Variants in ACY3 observed in about 807,000 individuals in gnomAD.
ACY3 encodes N-acyl-aromatic-L-amino acid amidohydrolase (carboxylate-forming).
ACY3 carries 20 observed loss-of-function variants against 24.6 expected under a neutral mutation model. The ratio of observed to expected loss-of-function variants is 0.81; its 90% confidence interval spans 0.57 to 1.18. The LOEUF (loss-of-function observed/expected upper bound fraction) is 1.18, where lower values mean the gene tolerates loss of function less well. Ranked by LOEUF, ACY3 falls within the 50% of genes most tolerant of loss-of-function variation. ACY3 has a pLI of 0.00. For synonymous variants in ACY3, 174 were observed against 188.4 expected (o/e 0.92, Z 0.62); for missense variants, 423 against 426.8 (o/e 0.99, Z 0.08).
At chr11:67,649,480 C>A (rs1387577608) in intron 1 of ACY3, among the ~76,000 whole-genome samples, 2 of 152,222 alleles carry the variant, frequency 1.3e-5, no homozygotes, top group Non-Finnish European at 2.9e-5. Flanking sequence ...TGGAACAGAA[C>A]GGGGTCCAGG....
At chr11:67,648,517 G>A (rs1016026371) in intron 1 of ACY3, among the ~76,000 whole-genome samples, 4 of 152,166 alleles carry the variant, frequency 2.6e-5, no homozygotes, top group African/African-American at 9.7e-5. Context: ...ACTGGGGAGT[G>A]AGGCAAGCTG....
In ACY3 at chr11:67,645,087, G is replaced by A. The variant is rs1855485519; in HGVS notation, c.592C>T (p.Leu198=). ...RADIFSRMRT[L]VATVLDFIEL... is the part of the protein sequence containing the mutation. ...ATGAAGTCCAGAACTGTGGCCACCA[G>A]GGTCCTCATCCTTGAGAAAATGTCA... Residue 198 remains leucine, a synonymous_variant, in exon 6 of 8, where the codon CTG becomes TTG. Coordinates refer to ENST00000255082, the MANE Select transcript of ACY3 (RefSeq NM_080658.2). The A allele has an allele frequency of 1.2e-6, 2 of 1,613,924 alleles. No individual in the cohort carries two copies. Among genetic ancestry groups the A allele is most frequent in the South Asian group, 1.1e-5 (1 of 91,088 alleles).
intron 6 of ACY3, 88 bp from the exon 7 acceptor site, chr11:67,644,957 C>T: frequency 3.2e-6 from 5 of 1,585,202 alleles, no homozygotes; most frequent in Non-Finnish European, 4.3e-6. Context: ...GGCTAGATCC[C>T]AGCCTGCCTG....
rs948445 is a variant in ACY3 at position 67,647,021 on chromosome 11, C to T, written c.23G>A (p.Arg8Gln). 1,247,399 of 1,541,728 alleles carry T rather than the reference C, an allele frequency of 0.81. 511,217 individuals are homozygous for T. The highest frequency in any genetic ancestry group is 0.92 in the South Asian group (77,382 of 83,932). ...CACAGCCACGCGACGCAGGGGCTCC[C>T]GGGGCACAGGCAGTGAGCACATGCT... The part of the protein sequence containing the change: MCSLPVP[R>Q]EPLRRVAVTG... Residue 8 changes from arginine (R) to glutamine (Q), a missense_variant, in exon 3 of 8, where the codon CGG becomes CAG. Physicochemically the swap from Arg to Gln is conservative, Grantham distance 43. Transcript: ENST00000255082.
chr11:67,645,962 AG>A, intron 3 of ACY3, 75 bp from the exon 4 acceptor site: 2 of 1,446,778 alleles, frequency 1.4e-6, no homozygotes, highest in Non-Finnish European at 1.9e-6. Flanking sequence ...GGAAAGGGGC[AG>A]GGGCCCTGCA....
At chr11:67,649,732 CATGT>C (rs1855585883) in intron 1 of ACY3, among the ~76,000 whole-genome samples, 1 of 136,602 alleles carries the variant, frequency 7.3e-6, no homozygotes, top group South Asian at 2.3e-4. Context: ...TGCATGAGAG[CATGT>C]GTGCGTGTGT....
At chr11:67,643,337 G>A (rs1855444812) in intron 7 of ACY3, among the ~76,000 whole-genome samples, 1 of 152,234 alleles carries the variant, frequency 6.6e-6, no homozygotes, top group African/African-American at 2.4e-5. Context: ...CAGGTTAATA[G>A]TGCTTACAGC....
rs1402737029 is a variant in ACY3 at position 67,642,912 on chromosome 11, C to G, written c.772G>C (p.Gly258Arg). ...QDRDFQPLQP[G>R]APIFQMFSGE... is the part of the protein sequence containing the mutation. The stretch of plus-strand genomic sequence containing the variant: ...CTGAACATCTGGAAGATGGGAGCAC[C>G]AGGCTGCAGTGGCTGGAAGTCTCGG... The change falls in exon 8 of 8, where the codon GGT (glycine) becomes CGT (arginine). Residue 258 changes from glycine (G) to arginine (R), a missense_variant. Transcript: ENST00000255082. The G allele has an allele frequency of 6.2e-7, 1 of 1,613,942 alleles. No homozygotes were observed. Among genetic ancestry groups the G allele is most frequent in the Non-Finnish European group, 8.5e-7 (1 of 1,180,020 alleles).
At chr11:67,649,609 T>C (rs1286840088) in intron 1 of ACY3, among the ~76,000 whole-genome samples, 4 of 151,442 alleles carry the variant, frequency 2.6e-5, no homozygotes, top group African/African-American at 4.9e-5. Flanking sequence ...TGTGCGTGTG[T>C]GCACTCACAT....
At chr11:67,649,632 GC>G (rs1855581813) in intron 1 of ACY3, among the ~76,000 whole-genome samples, 1 of 148,856 alleles carries the variant, frequency 6.7e-6, no homozygotes, top group African/African-American at 2.6e-5. Context: ...GTACGTGACA[GC>G]ATGCGTGTGT....
chr11:67,650,000 C>A (rs1855598617), intron 1 of ACY3, among the ~76,000 whole-genome samples: 1 of 152,206 alleles, frequency 6.6e-6, no homozygotes, highest in Non-Finnish European at 1.5e-5. Context: ...GGCTGTGTGA[C>A]CTGGAGAGAT....
chr11:67,645,932 C>T (rs756494912), intron 3 of ACY3, 45 bp from the exon 4 acceptor site: 18 of 1,533,240 alleles, frequency 1.2e-5, no homozygotes, highest in Non-Finnish European at 1.6e-5. Context: ...CAGTCTCAGT[C>T]AGTCTTCAGT....
At chr11:67,649,867 T>C (rs762151214) in intron 1 of ACY3, among the ~76,000 whole-genome samples, 57 of 150,586 alleles carry the variant, frequency 3.8e-4, no homozygotes, top group Non-Finnish European at 7.0e-4. Context: ...AGAGTGTGTG[T>C]GCATGTGTGT....
Position 67,645,036 on chromosome 11 carries a change from G to C in ACY3, c.634+9C>G. ...GGACCTGTTTCCCGAAAGTCCCCTGGGGTCTCACCCTGGTTGAAGAGTTCG... is the reference window on the plus strand; with the variant it reads ...GGACCTGTTTCCCGAAAGTCCCCTGCGGTCTCACCCTGGTTGAAGAGTTCG... On this transcript the variant is annotated intron_variant, in intron 6 of 7. Coordinates refer to ENST00000255082, the MANE Select transcript of ACY3 (RefSeq NM_080658.2). 1.2e-6 allele frequency: 2 copies of C among 1,613,420 alleles called. No homozygotes were observed. Among genetic ancestry groups the C allele is most frequent in the South Asian group, 2.2e-5 (2 of 91,082 alleles).
At chr11:67,643,017 ACCC>A in intron 7 of ACY3, 78 bp from the exon 8 acceptor site, 1 of 1,308,694 alleles carries the variant, frequency 7.6e-7, no homozygotes, top group Non-Finnish European at 1.1e-6. Context: ...CCAGCTTGAC[ACCC>A]AAAAGATGCC....
chr11:67,646,003 C>G lies in ACY3; in HGVS notation c.237-116G>C, dbSNP rs942791497. The G allele has an allele frequency of 1.3e-5, 13 of 1,039,148 alleles. No homozygotes were observed. The African/African-American group carries it at 2.1e-4, about 17-fold the overall frequency. 64.4% of individuals were successfully genotyped at this position (1,039,148 alleles called of 1,614,324 possible). On this transcript the variant is annotated intron_variant, in intron 3 of 7. Coordinates refer to ENST00000255082, the MANE Select transcript of ACY3 (RefSeq NM_080658.2). ...CCACTCTGAGCAGCTCGAGCGAGGGCTTTCCCTTCAGACGTTGTGGCTGTG... is the reference window on the plus strand; with the variant it reads ...CCACTCTGAGCAGCTCGAGCGAGGGGTTTCCCTTCAGACGTTGTGGCTGTG...
intron 1 of ACY3, among the ~76,000 whole-genome samples, chr11:67,648,286 A>T (rs1368561554): frequency 6.6e-6 from 1 of 151,994 alleles, no homozygotes; most frequent in Non-Finnish European, 1.5e-5. Context: ...GTTCAGCGGC[A>T]CACAGAGCCC....
chr11:67,649,653 T>C lies in ACY3; in HGVS notation c.-95+930A>G, dbSNP rs112232194. ...GACAGCATGCGTGTGTGCGTGCGTG[T>C]GTACATGTGTGTGCATGTGCATGAG... On this transcript the variant is annotated intron_variant, in intron 1 of 7. Transcript: ENST00000255082. Among the ~76,000 whole-genome samples, 20 of 148,484 alleles carry C rather than the reference T, an allele frequency of 1.3e-4. 2 individuals are homozygous for C. The highest frequency in any genetic ancestry group is 4.9e-4 in the African/African-American group (19 of 38,390).
chr11:67,645,008 C>T (rs369768578), intron 6 of ACY3, 37 bp downstream of exon 6: 1 of 1,607,922 alleles, frequency 6.2e-7, no homozygotes, highest in African/African-American at 1.3e-5. Flanking sequence ...CCTGCTCTTC[C>T]CCGGACCTGT....
Sources: allele counts gnomAD v4.1 joint callset (sites outside exome capture counted in the v4.1 genomes callset), GRCh38; gene constraint gnomAD v4.1.1; transcripts MANE v1.5; gene names NCBI Gene and HGNC (gene_info 2026-07-23, HGNC 2026-07-21).